PHF2: variants seen among roughly 807,000 people sequenced by gnomAD.
PHF2 encodes the protein PHD finger protein 2.
PHF2 carries 27 observed loss-of-function variants against 120.5 expected under a neutral mutation model. The observed-to-expected ratio is 0.22, with a 90% CI of 0.17 to 0.31. The LOEUF (loss-of-function observed/expected upper bound fraction) is 0.31, where lower values mean the gene tolerates loss of function less well. Among genes scored for constraint, PHF2 ranks in the 10% least tolerant of loss-of-function variants. The probability of loss-of-function intolerance (pLI) is 1.00; values close to 1 mark genes in which losing one functional copy is unlikely to be tolerated. For missense variants in PHF2, 1,024 were observed against 1,434.8 expected, an observed-to-expected ratio of 0.71 and a Z score of 4.63; for synonymous variants, 568 against 592.5, an observed-to-expected ratio of 0.96 and a Z score of 0.60.
At chr9:93,583,448 A>C (rs549394156) in intron 1 of PHF2, among the ~76,000 whole-genome samples, 2 of 152,370 alleles carry the variant, frequency 1.3e-5, no homozygotes, top group East Asian at 3.9e-4. Context: ...TTGCCGGATC[A>C]TATGGTAACT....
At chr9:93,646,381 A>G (rs1041461778) in intron 4 of PHF2, among the ~76,000 whole-genome samples, 1 of 152,224 alleles carries the variant, frequency 6.6e-6, no homozygotes, top group Non-Finnish European at 1.5e-5. Context: ...CAGCACACCT[A>G]GCAGTGACCC....
chr9:93,624,530 A>G (rs1456229770), intron 1 of PHF2, among the ~76,000 whole-genome samples: 1 of 149,696 alleles, frequency 6.7e-6, no homozygotes, highest in Non-Finnish European at 1.5e-5. Context: ...GGTGGTGATG[A>G]TGATAGTGGT....
At chr9:93,589,465 T>G (rs911752104) in intron 1 of PHF2, among the ~76,000 whole-genome samples, 1 of 152,158 alleles carries the variant, frequency 6.6e-6, no homozygotes, top group Non-Finnish European at 1.5e-5. Flanking sequence ...CACGCCCACA[T>G]TTGACAAGCC....
intron 2 of PHF2, among the ~76,000 whole-genome samples, chr9:93,630,638 G>C (rs956595290): frequency 3.3e-5 from 5 of 152,172 alleles, no homozygotes; most frequent in African/African-American, 1.2e-4. Flanking sequence ...TTTCAGGTGT[G>C]CTGGGTCCTG....
chr9:93,677,025 C>A lies in PHF2; in HGVS notation c.3202+62C>A, dbSNP rs1411312234. ...GCCCTGCCTGCCCCCATGGGCAGCC[C>A]CAGACATGCAGACTCGGCCCATGGT... On this transcript the variant is annotated intron_variant, in intron 21 of 21. Coordinates refer to ENST00000359246, the MANE Select transcript of PHF2 (RefSeq NM_005392.4). This position sits in a 1 kb window ranked among gnomAD's most constrained non-coding sequence, Gnocchi z 4.4. The A allele has an allele frequency of 6.9e-7, 1 of 1,441,774 alleles. No homozygotes were observed. The highest frequency in any genetic ancestry group is 1.4e-5 in the African/African-American group (1 of 70,112). 89.3% of individuals were successfully genotyped at this position (1,441,774 alleles called of 1,614,324 possible).
At chr9:93,578,473 G>A (rs531339740) in intron 1 of PHF2, among the ~76,000 whole-genome samples, 1 of 152,212 alleles carries the variant, frequency 6.6e-6, no homozygotes, top group African/African-American at 2.4e-5. Flanking sequence ...CCTGAAAGTG[G>A]TGGGGCCTCT....
chr9:93,604,741 T>C (rs918433793), intron 1 of PHF2, among the ~76,000 whole-genome samples: 9 of 152,110 alleles, frequency 5.9e-5, no homozygotes, highest in African/African-American at 2.2e-4. Context: ...TGGGCCACCG[T>C]GCCTGGCCCA....
At position 93,674,334 on chromosome 9, in the gene PHF2, C is replaced by T. The variant is rs146423387; in HGVS notation, c.2626+472C>T. Among the ~76,000 whole-genome samples the T allele has an allele frequency of 9.2e-4, 140 of 152,248 alleles. 1 individual carries two copies. Among genetic ancestry groups the T allele is most frequent in the Middle Eastern group, 3.4e-3 (1 of 294 alleles). On this transcript the variant is annotated intron_variant, in intron 18 of 21. Transcript: ENST00000359246. ...AGCCACAGGTCATGCCCTACAGTGTCCCCTCCACCTAGACCCGCCAGGCAG... is the reference window on the plus strand; with the variant it reads ...AGCCACAGGTCATGCCCTACAGTGTTCCCTCCACCTAGACCCGCCAGGCAG...
At chr9:93,619,298 T>C (rs1377476037) in intron 1 of PHF2, among the ~76,000 whole-genome samples, 1 of 151,786 alleles carries the variant, frequency 6.6e-6, no homozygotes, top group East Asian at 1.9e-4. Flanking sequence ...ACTGCTCTCG[T>C]TGGAGCCCAT....
intron 1 of PHF2, among the ~76,000 whole-genome samples, chr9:93,597,339 G>T (rs1825354078): frequency 6.6e-6 from 1 of 152,152 alleles, no homozygotes; most frequent in East Asian, 1.9e-4. Flanking sequence ...TTTGCTCCTG[G>T]GACTCCACAC....
Position 93,637,164 on chromosome 9 carries a change from T to G in PHF2, c.299+639T>G, listed in dbSNP as rs899193487. Among the ~76,000 whole-genome samples, 48 of 148,260 alleles carry G rather than the reference T, an allele frequency of 3.2e-4. No individual in the cohort carries two copies. The East Asian group carries it at 5.6e-3, about 17-fold the overall frequency. On this transcript the variant is annotated intron_variant, in intron 3 of 21. Transcript: ENST00000359246. The stretch of plus-strand genomic sequence containing the variant: ...GGACGCAGAATCCTAAGTTGGTGGG[T>G]TTTTTTTCTTTTGACATTTTAAATT...
At chr9:93,621,721 C>G (rs986042116) in intron 1 of PHF2, among the ~76,000 whole-genome samples, 2 of 152,182 alleles carry the variant, frequency 1.3e-5, no homozygotes, top group African/African-American at 4.8e-5. Context: ...GCCTTCCCCC[C>G]TGTAAAGTAG....
In PHF2 at chr9:93,677,509, C is replaced by T; in HGVS notation, c.3203-79C>T. The T allele has an allele frequency of 9.6e-7, 1 of 1,044,310 alleles. No individual in the cohort carries two copies. Among genetic ancestry groups the T allele is most frequent in the Non-Finnish European group, 1.5e-6 (1 of 676,968 alleles). 64.7% of individuals were successfully genotyped at this position (1,044,310 alleles called of 1,614,324 possible). A position where few individuals can be genotyped will look rare whatever the true frequency, so the allele number is the denominator to read the frequency against. On this transcript the variant is annotated intron_variant, in intron 21 of 21. Coordinates refer to ENST00000359246, the MANE Select transcript of PHF2 (RefSeq NM_005392.4). The surrounding 1 kb of genome is among the most constrained non-coding windows in gnomAD (Gnocchi z 4.4). Reference sequence around the variant, plus strand: ...GGCTGCCCCTTAGTGTCAGCGGGACCCTCCCCCCCACCGGCATGCCACGCC... The same window carrying T: ...GGCTGCCCCTTAGTGTCAGCGGGACTCTCCCCCCCACCGGCATGCCACGCC...
intron 5 of PHF2, among the ~76,000 whole-genome samples, chr9:93,651,694 A>T (rs1477428719): frequency 6.6e-6 from 1 of 152,142 alleles, no homozygotes; most frequent in African/African-American, 2.4e-5. Context: ...GATACATGTC[A>T]CATCTGGTCT....
At chr9:93,609,195 G>T in intron 1 of PHF2, among the ~76,000 whole-genome samples, 1 of 151,446 alleles carries the variant, frequency 6.6e-6, no homozygotes, top group East Asian at 1.9e-4. Context: ...ATTCCTAATT[G>T]TTCCCTCCCA....
chr9:93,663,012 A>G lies in PHF2; in HGVS notation c.1804A>G (p.Lys602Glu). ...REQTKSKSEAKWKYKNSKPDS... is the reference protein window; with the variant it reads ...REQTKSKSEAEWKYKNSKPDS... ...GCAAACCAAGAGCAAGTCAGAGGCC[A>G]AGTGGAAGTACAAGGTGAGAAGTGC... Residue 602 changes from lysine (K) to glutamate (E), a missense_variant, in exon 13 of 22, where the codon AAG (lysine) becomes GAG (glutamate). By Grantham distance (56) the Lys-to-Glu change is moderately conservative. Transcript: ENST00000359246. 1 of 1,614,164 alleles carries G rather than the reference A, an allele frequency of 6.2e-7. No homozygotes were observed. Among genetic ancestry groups the G allele is most frequent in the Non-Finnish European group, 8.5e-7 (1 of 1,180,004 alleles).
chr9:93,583,037 C>T (rs748184616), intron 1 of PHF2, among the ~76,000 whole-genome samples: 48 of 152,182 alleles, frequency 3.2e-4, no homozygotes, highest in Non-Finnish European at 5.4e-4. Flanking sequence ...AAAGTAAACC[C>T]GGTATCCAAT....
At chr9:93,649,248 G>A in intron 5 of PHF2, 36 bp downstream of exon 5, 6 of 861,284 alleles carry the variant, frequency 7.0e-6, no homozygotes, top group South Asian at 1.4e-5. Context: ...GGGGGCTGGG[G>A]TTGGGGCAGG....
chr9:93,645,804 C>A lies in PHF2; in HGVS notation c.460+15C>A. The A allele has an allele frequency of 6.4e-7, 1 of 1,559,372 alleles. No homozygotes were observed. Among genetic ancestry groups the A allele is most frequent in the Non-Finnish European group, 8.7e-7 (1 of 1,148,890 alleles). ...GAACTACGTGGGTAAGCGCCATCCC[C>A]TTCACAGTGCTCTGGGGCTGGAGCT... is the stretch of plus-strand genomic sequence containing the variant. On this transcript the variant is annotated intron_variant, in intron 4 of 21. Transcript: ENST00000359246.
Sources: allele counts gnomAD v4.1 joint callset (sites outside exome capture counted in the v4.1 genomes callset), GRCh38; gene constraint gnomAD v4.1.1; non-coding constraint Gnocchi (gnomAD v3.1); transcripts MANE v1.5; gene names NCBI Gene and HGNC (gene_info 2026-07-23, HGNC 2026-07-21).